The following KANSL1L variants were observed in gnomAD, a reference collection of about 807,000 sequenced individuals.
KANSL1L encodes the protein KAT8 regulatory NSL complex subunit 1-like protein.
In KANSL1L, 25 loss-of-function variants were observed where a neutral mutation model predicts 108.6. That is an observed-to-expected ratio of 0.23 (90% CI 0.17 to 0.32). The LOEUF is 0.32. Among genes scored for constraint, KANSL1L ranks in the 10% least tolerant of loss-of-function variants. The pLI is 1.00. For synonymous variants in KANSL1L, 405 were observed against 395.1 expected, an observed-to-expected ratio of 1.03 and a Z score of -0.30; for missense variants, 1,137 against 1,125.7, an observed-to-expected ratio of 1.01 and a Z score of -0.14.
At chr2:210,137,390 G>A (rs565281581) in intron 2 of KANSL1L, among the ~76,000 whole-genome samples, 67 of 152,284 alleles carry the variant, frequency 4.4e-4, no homozygotes, top group African/African-American at 1.4e-3. Context: ...TAACAAGTTT[G>A]AAGTAATCTG....
intron 6 of KANSL1L, among the ~76,000 whole-genome samples, chr2:210,067,658 C>T (rs1326236388): frequency 2.1e-5 from 3 of 140,110 alleles, no homozygotes; most frequent in Non-Finnish European, 3.0e-5. Context: ...CTGCAGTGAG[C>T]TGAGATCACT....
chr2:210,084,184 G>A (rs1463860160), intron 5 of KANSL1L, among the ~76,000 whole-genome samples: 1 of 152,102 alleles, frequency 6.6e-6, no homozygotes, highest in African/African-American at 2.4e-5. Context: ...CACTTTGGGA[G>A]GCCGACACAA....
At chr2:210,129,520 T>C (rs2095100378) in intron 2 of KANSL1L, among the ~76,000 whole-genome samples, 2 of 152,302 alleles carry the variant, frequency 1.3e-5, no homozygotes, top group Non-Finnish European at 1.5e-5. Flanking sequence ...AACTGTTACA[T>C]AAAACTTTTA....
At chr2:210,170,369 A>C in intron 1 of KANSL1L, 1 of 985,056 alleles carries the variant, frequency 1.0e-6, no homozygotes, top group Non-Finnish European at 1.2e-6. Context: ...ACAAAAACGG[A>C]CTCTCCCAGA....
chr2:210,026,120 G>A (rs536986692), intron 12 of KANSL1L, among the ~76,000 whole-genome samples: 1 of 152,268 alleles, frequency 6.6e-6, no homozygotes, highest in African/African-American at 2.4e-5. Flanking sequence ...GGGTGTTTAA[G>A]AATTTGGGTT....
At chr2:210,054,193 G>A (rs1375102673) in intron 6 of KANSL1L, among the ~76,000 whole-genome samples, 5 of 151,640 alleles carry the variant, frequency 3.3e-5, no homozygotes, top group Admixed American at 6.6e-5. Flanking sequence ...GTGGTGGCGG[G>A]CGCCTGTAGT....
At chr2:210,094,669 G>A (rs2094720538) in intron 5 of KANSL1L, among the ~76,000 whole-genome samples, 1 of 151,912 alleles carries the variant, frequency 6.6e-6, no homozygotes, top group Non-Finnish European at 1.5e-5. Flanking sequence ...TCTCAAACAT[G>A]AGTAACATTA....
chr2:210,039,903 G>A (rs1366320837), intron 8 of KANSL1L, among the ~76,000 whole-genome samples: 2 of 151,724 alleles, frequency 1.3e-5, no homozygotes, highest in East Asian at 3.9e-4. Flanking sequence ...TTACTTCATT[G>A]ATCTATTTTC....
intron 1 of KANSL1L, among the ~76,000 whole-genome samples, chr2:210,169,426 A>G (rs1239774053): frequency 6.6e-6 from 1 of 152,224 alleles, no homozygotes; most frequent in African/African-American, 2.4e-5. Flanking sequence ...ATGTGGTCTC[A>G]GTTTTAGGAA....
intron 1 of KANSL1L, chr2:210,155,335 C>T (rs558652437): frequency 2.0e-5 from 3 of 152,302 alleles, no homozygotes; most frequent in Admixed American, 1.3e-4. Flanking sequence ...TCACTTCAAC[C>T]CAGGAGGCAG....
chr2:210,038,176 T>A (rs1456674268), intron 8 of KANSL1L, among the ~76,000 whole-genome samples: 1 of 152,138 alleles, frequency 6.6e-6, no homozygotes, highest in Middle Eastern at 3.4e-3. Flanking sequence ...AAAAACATGT[T>A]AAGATGAATA....
At chr2:210,149,903 C>CAAA (rs61291990) in intron 2 of KANSL1L, among the ~76,000 whole-genome samples, 1 of 127,696 alleles carries the variant, frequency 7.8e-6, no homozygotes, top group African/African-American at 2.8e-5. Context: ...AAAGAAAAAC[C>CAAA]AAAAAAAAAA....
chr2:210,083,829 C>CAA lies in KANSL1L; in HGVS notation c.1551-8075_1551-8074dup, dbSNP rs61456616. Among the ~76,000 whole-genome samples, 233 of 52,700 alleles carry CAA rather than the reference C, an allele frequency of 4.4e-3. 6 individuals carry two copies. The highest frequency in any genetic ancestry group is 0.012 in the African/African-American group (190 of 15,628). 34.6% of individuals were successfully genotyped at this position (52,700 alleles called of 152,430 possible). A position where few individuals can be genotyped will look rare whatever the true frequency, so the allele number is the denominator to read the frequency against. On this transcript the variant is annotated intron_variant, in intron 5 of 14. Coordinates refer to ENST00000281772, the MANE Select transcript of KANSL1L (RefSeq NM_152519.4). ...TGGGCGACAGAGTGAGACTCCATCT[C>CAA]AAAAAAAAAAAAAAAAAAAAGTAAG...
At chr2:210,163,815 A>G (rs758767833) in intron 1 of KANSL1L, among the ~76,000 whole-genome samples, 19 of 152,162 alleles carry the variant, frequency 1.2e-4, no homozygotes, top group Non-Finnish European at 2.4e-4. Flanking sequence ...AATAGATCAA[A>G]AGCTACATGA....
intron 6 of KANSL1L, among the ~76,000 whole-genome samples, chr2:210,055,032 T>C (rs2094335192): frequency 6.6e-6 from 1 of 152,164 alleles, no homozygotes; most frequent in East Asian, 1.9e-4. Context: ...CACCCAGATC[T>C]CATCTTGAAT....
intron 6 of KANSL1L, among the ~76,000 whole-genome samples, chr2:210,048,580 T>A (rs567264160): frequency 1.3e-5 from 2 of 152,160 alleles, no homozygotes; most frequent in Non-Finnish European, 2.9e-5. Flanking sequence ...TGTATATATA[T>A]ATACACACAC....
chr2:210,131,859 C>G (rs190528837), intron 2 of KANSL1L, among the ~76,000 whole-genome samples: 35 of 151,992 alleles, frequency 2.3e-4, no homozygotes, highest in Non-Finnish European at 4.6e-4. Context: ...ACCACCACAC[C>G]CAGTTAATTG....
chr2:210,153,559 C>T lies in KANSL1L; in HGVS notation c.1024G>A (p.Asp342Asn), dbSNP rs2095316437. 4.3e-6 allele frequency: 7 copies of T among 1,613,938 alleles called. No homozygotes were observed. Among genetic ancestry groups the T allele is most frequent in the South Asian group, 1.1e-5 (1 of 91,072 alleles). ...TCATCAGAGCTGCTATCAGTTGCAT[C>T]GGAATCCAAACCCTCTTCAACATGA... is the stretch of plus-strand genomic sequence containing the variant. Reference protein sequence around the residue: ...LSHVEEGLDSDATDSSSDDDL... With the variant: ...LSHVEEGLDSNATDSSSDDDL... The change falls in exon 2 of 15, where the codon GAT becomes AAT. Residue 342 changes from aspartate (D) to asparagine (N), a missense_variant. This residue lies in a region of KANSL1L where 556 missense variants were observed against 537.7 expected (regional missense o/e 1.03). Transcript: ENST00000281772.
At chr2:210,040,350 G>A in intron 8 of KANSL1L, 70 bp downstream of exon 8, 1 of 752,086 alleles carries the variant, frequency 1.3e-6, no homozygotes. Context: ...ATTTTTCTTA[G>A]AATGCAAAAA....
Sources: allele counts gnomAD v4.1 joint callset (sites outside exome capture counted in the v4.1 genomes callset), GRCh38; gene constraint gnomAD v4.1.1; regional missense constraint gnomAD v4.1.1; transcripts MANE v1.5; gene names NCBI Gene and HGNC (gene_info 2026-07-23, HGNC 2026-07-21).